ZC3H15: variants seen among roughly 807,000 people sequenced by gnomAD.
ZC3H15 encodes zinc finger CCCH domain-containing protein 15.
ZC3H15 carries 15 observed loss-of-function variants against 51.2 expected under a neutral mutation model. That is an observed-to-expected ratio of 0.29 (90% CI 0.20 to 0.45). ZC3H15 has a LOEUF of 0.45. ZC3H15 is among the 20% of genes least tolerant of loss of function. ZC3H15 has a pLI of 1.00. For synonymous variants in ZC3H15, 144 were observed against 162.8 expected, an observed-to-expected ratio of 0.88 and a Z score of 0.88; for missense variants, 381 against 494.7, an observed-to-expected ratio of 0.77 and a Z score of 2.18.
chr2:186,504,242 A>G (rs777159019), intron 6 of ZC3H15, 28 bp downstream of exon 6: 2 of 1,519,690 alleles, frequency 1.3e-6, no homozygotes, highest in Admixed American at 4.2e-5. Flanking sequence ...CCTACCATAA[A>G]AACTGAAAGC....
At chr2:186,502,622 T>G in intron 5 of ZC3H15, 35 bp downstream of exon 5, 1 of 1,525,024 alleles carries the variant, frequency 6.6e-7, no homozygotes, top group Non-Finnish European at 9.0e-7. Context: ...TGCTGTGATA[T>G]TTATCATTAG....
rs758813880 is a variant in ZC3H15 at position 186,506,791 on chromosome 2, G to A, written c.1045G>A (p.Val349Ile). The part of the protein sequence containing the change: ...PRDVDETGIT[V>I]ASLERFSTYT... ...AGATGTAGATGAAACAGGTATTACT[G>A]TAGCCAGTCTTGAAAGATTCAGCAC... is the stretch of plus-strand genomic sequence containing the variant. The change falls in exon 9 of 10, where the codon GTA (valine) becomes ATA (isoleucine). Residue 349 changes from valine to isoleucine, a missense_variant. Around this residue, in one of 3 missense-constraint regions of ZC3H15, gnomAD observed 215 missense variants for 241.8 expected, o/e 0.89. Transcript: ENST00000337859. The A allele has an allele frequency of 2.3e-5, 37 of 1,613,616 alleles. No homozygotes were observed. The highest frequency in any genetic ancestry group is 3.1e-5 in the Non-Finnish European group (36 of 1,179,854).
chr2:186,508,650 G>A lies in ZC3H15; in HGVS notation c.1198G>A (p.Val400Ile), dbSNP rs200450618. The A allele has an allele frequency of 1.3e-4, 214 of 1,614,102 alleles. No homozygotes were observed. In the African/African-American group the frequency reaches 2.7e-3, roughly 20 times the overall value. ...AACGGAAAATGGAGCCATTGATGCT[G>A]TTCCTGTTGATGAAAATCTTTTCAC... Reference protein sequence around the residue: ...EGTENGAIDAVPVDENLFTGE... With the variant: ...EGTENGAIDAIPVDENLFTGE... Residue 400 changes from valine (V) to isoleucine (I), a missense_variant, in exon 10 of 10, where the codon GTT becomes ATT. Coordinates refer to ENST00000337859, the MANE Select transcript of ZC3H15 (RefSeq NM_018471.3).
At chr2:186,496,120 C>G (rs1685277663) in intron 2 of ZC3H15, among the ~76,000 whole-genome samples, 1 of 152,152 alleles carries the variant, frequency 6.6e-6, no homozygotes, top group Non-Finnish European at 1.5e-5. Context: ...ATGTTGCTAG[C>G]TTTTTAAAAA....
chr2:186,504,861 A>T (rs977681646), intron 6 of ZC3H15, among the ~76,000 whole-genome samples: 3 of 152,214 alleles, frequency 2.0e-5, no homozygotes, highest in Non-Finnish European at 4.4e-5. Flanking sequence ...TAGACTTCAG[A>T]ATCAGGTATA....
chr2:186,493,057 G>A (rs1164040543), intron 1 of ZC3H15, among the ~76,000 whole-genome samples: 1 of 151,674 alleles, frequency 6.6e-6, no homozygotes, highest in African/African-American at 2.4e-5. Flanking sequence ...GAGCGGTTAT[G>A]TCTGAGTGCC....
chr2:186,492,121 C>T (rs1685209012), intron 1 of ZC3H15, among the ~76,000 whole-genome samples: 1 of 152,170 alleles, frequency 6.6e-6, no homozygotes, highest in Non-Finnish European at 1.5e-5. Context: ...TGTTTCTTCT[C>T]TGTAGTTACA....
chr2:186,494,778 C>G (rs1457294656), intron 1 of ZC3H15, among the ~76,000 whole-genome samples: 1 of 152,034 alleles, frequency 6.6e-6, no homozygotes, highest in Non-Finnish European at 1.5e-5. Context: ...AATGAGAACA[C>G]TTGGACACAG....
At chr2:186,487,059 A>G (rs1685108286) in intron 1 of ZC3H15, 1 of 152,294 alleles carries the variant, frequency 6.6e-6, no homozygotes, top group Admixed American at 6.5e-5. Context: ...TAAATAGGAT[A>G]ACGCCTTAAA....
chr2:186,487,461 A>G (rs1435675450), intron 1 of ZC3H15: 4 of 152,218 alleles, frequency 2.6e-5, no homozygotes, highest in Admixed American at 6.5e-5. Flanking sequence ...ATTTTACCGC[A>G]TAAGGTGTAA....
chr2:186,493,761 C>T (rs977519665), intron 1 of ZC3H15, among the ~76,000 whole-genome samples: 8 of 151,596 alleles, frequency 5.3e-5, no homozygotes, highest in Non-Finnish European at 1.0e-4. Context: ...TCTGTCAATC[C>T]TTGGCATTCT....
chr2:186,488,378 A>G (rs1685139127), intron 1 of ZC3H15, among the ~76,000 whole-genome samples: 1 of 152,198 alleles, frequency 6.6e-6, no homozygotes, highest in African/African-American at 2.4e-5. Flanking sequence ...TTGACAGGAT[A>G]GATTAGTTTT....
In ZC3H15 at chr2:186,501,367, G is replaced by A. The variant is rs1408783878; in HGVS notation, c.384G>A (p.Glu128=). ...AGTTCTCCCATGACTTGACTCTGGA[G>A]AGAAAATGTGAAAAGCGAAGTGTTT... ...KCKFSHDLTL[E]RKCEKRSVYI... The change falls in exon 4 of 10, where the codon GAG becomes GAA. Residue 128 remains glutamate, a synonymous_variant. Coordinates refer to ENST00000337859, the MANE Select transcript of ZC3H15 (RefSeq NM_018471.3). The A allele has an allele frequency of 6.2e-7, 1 of 1,613,914 alleles. No homozygotes were observed. The highest frequency in any genetic ancestry group is 8.5e-7 in the Non-Finnish European group (1 of 1,179,924).
intron 3 of ZC3H15, chr2:186,500,754 A>C: frequency 2.2e-6 from 1 of 452,678 alleles, no homozygotes; most frequent in South Asian, 1.6e-5. Context: ...AGCTCACTGC[A>C]ACCTCCGACT....
At chr2:186,494,189 G>C (rs1685245529) in intron 1 of ZC3H15, among the ~76,000 whole-genome samples, 1 of 151,926 alleles carries the variant, frequency 6.6e-6, no homozygotes, top group Admixed American at 6.6e-5. Flanking sequence ...GATAGCTGCT[G>C]TTATATTGAA....
At chr2:186,494,363 A>C (rs771723738) in intron 1 of ZC3H15, among the ~76,000 whole-genome samples, 2 of 152,194 alleles carry the variant, frequency 1.3e-5, no homozygotes, top group African/African-American at 2.4e-5. Context: ...ACATTTATTA[A>C]CTAAAAAACC....
At position 186,508,625 on chromosome 2, in the gene ZC3H15, A is replaced by C; in HGVS notation, c.1173A>C (p.Gly391=). 6.2e-7 allele frequency: 1 copy of C among 1,614,084 alleles called. No individual in the cohort carries two copies. The highest frequency in any genetic ancestry group is 8.5e-7 in the Non-Finnish European group (1 of 1,179,986). The change falls in exon 10 of 10, where the codon GGA becomes GGC. Residue 391 remains glycine (G), a synonymous_variant. Coordinates refer to ENST00000337859, the MANE Select transcript of ZC3H15 (RefSeq NM_018471.3). The stretch of plus-strand genomic sequence containing the variant: ...TGGAAGAGGACAACGAGAGGGAGGG[A>C]ACGGAAAATGGAGCCATTGATGCTG... ...SDLEEDNERE[G]TENGAIDAVP...
intron 4 of ZC3H15, among the ~76,000 whole-genome samples, chr2:186,502,084 C>A (rs1202990854): frequency 1.3e-5 from 2 of 151,932 alleles, no homozygotes; most frequent in African/African-American, 4.8e-5. Context: ...AGCAGTGGCT[C>A]ATGCCTATAA....
intron 1 of ZC3H15, among the ~76,000 whole-genome samples, chr2:186,488,192 C>T (rs1337462512): frequency 6.6e-6 from 1 of 151,866 alleles, no homozygotes. Context: ...TGAGGTATAA[C>T]TTATGTAAAA....
Sources: gnomAD v4.1 joint callset for allele counts (sites outside exome capture counted in the v4.1 genomes callset) on GRCh38, gnomAD v4.1.1 for gene constraint, gnomAD v4.1.1 regional missense constraint, MANE v1.5 for transcripts, NCBI Gene and HGNC (gene_info 2026-07-23, HGNC 2026-07-21) for gene names.